CACNB2: variants seen among roughly 807,000 people sequenced by gnomAD.
CACNB2 encodes voltage-dependent L-type calcium channel subunit beta-2.
A neutral mutation model predicts 73.3 loss-of-function variants in CACNB2; 42 were observed. The observed-to-expected ratio is 0.57, with a 90% CI of 0.45 to 0.74. CACNB2 has a LOEUF of 0.74. CACNB2 is among the 30% of genes least tolerant of loss of function. The pLI, the probability that CACNB2 is intolerant of heterozygous loss-of-function variation, is 0.00. For synonymous variants in CACNB2, 348 were observed against 310.3 expected, an observed-to-expected ratio of 1.12 and a Z score of -1.28; for missense variants, 940 against 853.0, an observed-to-expected ratio of 1.10 and a Z score of -1.27.
In CACNB2 at chr10:18,224,292, G is replaced by T. The variant is rs60196964; in HGVS notation, c.213+73317G>T. 5.4e-5 allele frequency: 8 copies of T among 149,046 alleles called. No individual in the cohort carries two copies. In the East Asian group the frequency reaches 1.6e-3, roughly 29 times the overall value. The allele number at this position is 149,046 out of a possible 1,614,324, so 9.2% of individuals were successfully genotyped here. A position where few individuals can be genotyped will look rare whatever the true frequency, so the allele number is the denominator to read the frequency against. ...TAAATATGATTAAGACCTACCTTCC[G>T]TGTGCCTTCTCCCTCCTCTTCCCTC... is the stretch of plus-strand genomic sequence containing the variant. On this transcript the variant is annotated intron_variant, in intron 2 of 13. Transcript: ENST00000324631.
intron 9 of CACNB2, among the ~76,000 whole-genome samples, chr10:18,521,905 G>A (rs976015049): frequency 4.6e-5 from 7 of 152,090 alleles, no homozygotes; most frequent in African/African-American, 9.7e-5. Flanking sequence ...CCAAATCCCC[G>A]GGTCACAGAT....
At chr10:18,273,972 A>G (rs1479746083) in intron 2 of CACNB2, among the ~76,000 whole-genome samples, 1 of 152,190 alleles carries the variant, frequency 6.6e-6, no homozygotes, top group East Asian at 1.9e-4. Flanking sequence ...CACAGGTCTG[A>G]ACAAACACTG....
At chr10:18,442,998 G>GTATATATATA (rs1224373508) in intron 3 of CACNB2, among the ~76,000 whole-genome samples, 1 of 9,122 alleles carries the variant, frequency 1.1e-4, no homozygotes, top group Non-Finnish European at 1.8e-4. Context: ...ATATATATAT[G>GTATATATATA]TGTATATATA....
chr10:18,391,526 A>C (rs1040896642), intron 2 of CACNB2, among the ~76,000 whole-genome samples: 1 of 152,180 alleles, frequency 6.6e-6, no homozygotes, highest in Non-Finnish European at 1.5e-5. Context: ...CTTGGGATAT[A>C]GGAGTAAGTG....
chr10:18,188,014 G>A (rs1450865270), intron 2 of CACNB2, among the ~76,000 whole-genome samples: 1 of 152,136 alleles, frequency 6.6e-6, no homozygotes, highest in African/African-American at 2.4e-5. Context: ...TTGGATTAAG[G>A]TAGAGAGTAG....
At chr10:18,481,230 A>ATATATAT (rs1564599797) in intron 3 of CACNB2, among the ~76,000 whole-genome samples, 1 of 17,984 alleles carries the variant, frequency 5.6e-5, no homozygotes, top group Non-Finnish European at 9.4e-5. Flanking sequence ...ATATATATAT[A>ATATATAT]TTTTTTTTTT....
At chr10:18,399,282 G>A (rs1341183226) in intron 2 of CACNB2, among the ~76,000 whole-genome samples, 1 of 152,184 alleles carries the variant, frequency 6.6e-6, no homozygotes, top group African/African-American at 2.4e-5. Flanking sequence ...CCTACCAGGT[G>A]TGTATGTGTT....
At chr10:18,259,154 T>C (rs1417442157) in intron 2 of CACNB2, among the ~76,000 whole-genome samples, 3 of 152,292 alleles carry the variant, frequency 2.0e-5, no homozygotes, top group Admixed American at 2.0e-4. Context: ...AAACAAAACA[T>C]GGAATCATTT....
chr10:18,195,308 C>A, intron 2 of CACNB2, among the ~76,000 whole-genome samples: 1 of 152,130 alleles, frequency 6.6e-6, no homozygotes. Context: ...ACGGAAGCGC[C>A]CAGCACTATA....
At chr10:18,207,744 C>T (rs1435384230) in intron 2 of CACNB2, among the ~76,000 whole-genome samples, 4 of 152,126 alleles carry the variant, frequency 2.6e-5, no homozygotes, top group East Asian at 1.9e-4. Flanking sequence ...TTGCATGTTG[C>T]ATATCACATA....
At chr10:18,305,369 T>C (rs770408498) in intron 2 of CACNB2, among the ~76,000 whole-genome samples, 1 of 152,186 alleles carries the variant, frequency 6.6e-6, no homozygotes, top group African/African-American at 2.4e-5. Flanking sequence ...TGAAATAAGA[T>C]TGGAGAATAA....
intron 2 of CACNB2, chr10:18,206,787 A>G (rs771936824): frequency 6.6e-6 from 1 of 152,140 alleles, no homozygotes; most frequent in Non-Finnish European, 1.5e-5. Context: ...GCCGGGCTCC[A>G]TTTTTCGCTG....
chr10:18,423,534 A>G (rs903716448), intron 3 of CACNB2, among the ~76,000 whole-genome samples: 6 of 152,190 alleles, frequency 3.9e-5, no homozygotes, highest in Non-Finnish European at 7.3e-5. Context: ...TCTGTTACAT[A>G]AAGATGAAAT....
intron 2 of CACNB2, among the ~76,000 whole-genome samples, chr10:18,381,371 CCT>C (rs1319778791): frequency 6.6e-6 from 1 of 151,688 alleles, no homozygotes; most frequent in Non-Finnish European, 1.5e-5. Flanking sequence ...ATGTGTATGC[CCT>C]ATGATCCAGG....
intron 2 of CACNB2, among the ~76,000 whole-genome samples, chr10:18,163,973 T>C (rs762161248): frequency 6.6e-6 from 1 of 152,168 alleles, no homozygotes; most frequent in African/African-American, 2.4e-5. Context: ...ATTCCTTAGA[T>C]GATGTCCTGC....
intron 2 of CACNB2, among the ~76,000 whole-genome samples, chr10:18,315,526 AAAC>A (rs2040146067): frequency 8.2e-6 from 1 of 121,824 alleles, no homozygotes; most frequent in African/African-American, 3.1e-5. Context: ...AAAAAAAAAA[AAAC>A]TTTTTTTTTT....
At chr10:18,180,782 T>C (rs942246113) in intron 2 of CACNB2, among the ~76,000 whole-genome samples, 3 of 151,864 alleles carry the variant, frequency 2.0e-5, no homozygotes, top group Admixed American at 1.3e-4. Context: ...CTGGCTAACA[T>C]AGTGAAACCC....
At chr10:18,533,176 T>C (rs1292120316) in intron 10 of CACNB2, 1 of 152,198 alleles carries the variant, frequency 6.6e-6, no homozygotes, top group Non-Finnish European at 1.5e-5. Flanking sequence ...CCTCCACGAC[T>C]GCAGTGGGAA....
chr10:18,362,265 T>G (rs1287257671), intron 2 of CACNB2, among the ~76,000 whole-genome samples: 1 of 152,240 alleles, frequency 6.6e-6, no homozygotes. Context: ...TATTAAAACA[T>G]TTTCAACTTA....
Sources: gnomAD v4.1 joint callset for allele counts (sites outside exome capture counted in the v4.1 genomes callset) on GRCh38, gnomAD v4.1.1 for gene constraint, MANE v1.5 for transcripts, NCBI Gene and HGNC (gene_info 2026-07-23, HGNC 2026-07-21) for gene names.